CCDC148: variants seen among roughly 807,000 people sequenced by gnomAD.
The protein encoded by CCDC148 is coiled-coil domain-containing protein 148.
Under a neutral mutation model 85.7 loss-of-function variants are expected in CCDC148, and 89 were observed. The observed-to-expected ratio is 1.04, with a 90% CI of 0.87 to 1.24. The LOEUF (loss-of-function observed/expected upper bound fraction) is 1.24, where lower values mean the gene tolerates loss of function less well. CCDC148 is among the 50% of genes most tolerant of loss of function. The pLI is 0.00. For missense variants in CCDC148, 692 were observed against 671.7 expected (o/e 1.03, Z -0.33); for synonymous variants, 230 against 213.9 (o/e 1.08, Z -0.66).
intron 9 of CCDC148, among the ~76,000 whole-genome samples, chr2:158,303,079 T>G (rs1691522233): frequency 6.6e-6 from 1 of 152,158 alleles, no homozygotes; most frequent in Non-Finnish European, 1.5e-5. Flanking sequence ...CACGAGAGCA[T>G]TATTTCAAAA....
At chr2:158,436,390 C>T (rs946286657) in intron 1 of CCDC148, among the ~76,000 whole-genome samples, 6 of 152,076 alleles carry the variant, frequency 3.9e-5, no homozygotes, top group Admixed American at 6.6e-5. Flanking sequence ...GGGTACCTAA[C>T]GAAATAAGGC....
chr2:158,350,255 T>A (rs1683194067), intron 2 of CCDC148, among the ~76,000 whole-genome samples: 1 of 152,214 alleles, frequency 6.6e-6, no homozygotes, highest in Non-Finnish European at 1.5e-5. Context: ...GATGCTTTCA[T>A]AATGAGTCTA....
chr2:158,264,784 C>A (rs1689384357), intron 9 of CCDC148, among the ~76,000 whole-genome samples: 1 of 152,032 alleles, frequency 6.6e-6, no homozygotes, highest in Non-Finnish European at 1.5e-5. Context: ...AAGCAGGATG[C>A]TATACTGATA....
chr2:158,456,628 A>G lies in CCDC148; in HGVS notation c.-189T>C, dbSNP rs1688764928. 2.1e-5 allele frequency: 15 copies of G among 703,892 alleles called. No individual in the cohort carries two copies. The highest frequency in any genetic ancestry group is 3.6e-5 in the African/African-American group (2 of 55,574). The allele number at this position is 703,892 out of a possible 1,614,324, so 43.6% of individuals were successfully genotyped here. On this transcript the variant is annotated 5_prime_UTR_variant, in exon 1 of 14. Transcript: ENST00000283233. ...GCAAGGAAAGCCTGCCCCAGATTTCAGAGCCAGCGCTGGGGAATCTCCCTG... is the reference window on the plus strand; with the variant it reads ...GCAAGGAAAGCCTGCCCCAGATTTCGGAGCCAGCGCTGGGGAATCTCCCTG...
chr2:158,265,848 T>C (rs1174291490), intron 9 of CCDC148, among the ~76,000 whole-genome samples: 2 of 152,174 alleles, frequency 1.3e-5, no homozygotes, highest in African/African-American at 2.4e-5. Flanking sequence ...TCTAGATTAA[T>C]GGCATCACAG....
chr2:158,308,262 A>G (rs1480777282), intron 9 of CCDC148, among the ~76,000 whole-genome samples: 5 of 152,340 alleles, frequency 3.3e-5, no homozygotes, highest in Non-Finnish European at 7.3e-5. Flanking sequence ...GCATAGCTCA[A>G]CAGTTAATGA....
At chr2:158,321,376 C>T (rs533487062) in intron 7 of CCDC148, among the ~76,000 whole-genome samples, 3 of 152,254 alleles carry the variant, frequency 2.0e-5, no homozygotes, top group South Asian at 2.1e-4. Context: ...ATCTAACCAA[C>T]GAGACTACGT....
At chr2:158,454,621 A>T (rs886379338) in intron 1 of CCDC148, among the ~76,000 whole-genome samples, 1 of 152,240 alleles carries the variant, frequency 6.6e-6, no homozygotes, top group African/African-American at 2.4e-5. Flanking sequence ...GAGAGCAGAC[A>T]TTGGACAGGT....
At chr2:158,370,850 T>C (rs1190487134) in intron 1 of CCDC148, among the ~76,000 whole-genome samples, 2 of 147,434 alleles carry the variant, frequency 1.4e-5, no homozygotes, top group Admixed American at 6.8e-5. Context: ...TTGTAGGACA[T>C]AGACTGTAAA....
intron 3 of CCDC148, among the ~76,000 whole-genome samples, chr2:158,341,229 CAT>C (rs1208188281): frequency 6.6e-6 from 1 of 150,816 alleles, no homozygotes; most frequent in Non-Finnish European, 1.5e-5. Context: ...CATATGTATA[CAT>C]ATATATGTGT....
At chr2:158,430,960 T>C (rs1185591877) in intron 1 of CCDC148, among the ~76,000 whole-genome samples, 3 of 151,796 alleles carry the variant, frequency 2.0e-5, no homozygotes, top group Admixed American at 6.6e-5. Context: ...TTGGATGGAA[T>C]TAATAGCAGA....
intron 13 of CCDC148, among the ~76,000 whole-genome samples, chr2:158,174,551 C>T (rs982167351): frequency 1.3e-5 from 2 of 151,078 alleles, no homozygotes; most frequent in African/African-American, 4.9e-5. Flanking sequence ...TTCTGAGAAA[C>T]GTGTCCTTAG....
chr2:158,266,922 A>T (rs866683308), intron 9 of CCDC148, among the ~76,000 whole-genome samples: 2 of 150,528 alleles, frequency 1.3e-5, no homozygotes, highest in Non-Finnish European at 3.0e-5. Flanking sequence ...ACATATATAC[A>T]TATATATGCA....
At chr2:158,331,922 C>G (rs1693150924) in intron 7 of CCDC148, among the ~76,000 whole-genome samples, 5 of 152,116 alleles carry the variant, frequency 3.3e-5, no homozygotes, top group Non-Finnish European at 5.9e-5. Context: ...GATGGGTTTC[C>G]TGAATACAGC....
intron 10 of CCDC148, among the ~76,000 whole-genome samples, chr2:158,232,610 T>C (rs1687907248): frequency 6.6e-6 from 1 of 152,198 alleles, no homozygotes; most frequent in Non-Finnish European, 1.5e-5. Flanking sequence ...TTGTGTGATG[T>C]TGAATCTTTG....
At chr2:158,272,229 C>T (rs1689730316) in intron 9 of CCDC148, among the ~76,000 whole-genome samples, 1 of 152,090 alleles carries the variant, frequency 6.6e-6, no homozygotes, top group South Asian at 2.1e-4. Context: ...AGCTCAATTT[C>T]AGACTTAAGA....
chr2:158,411,843 C>T (rs1228850940), intron 1 of CCDC148, among the ~76,000 whole-genome samples: 1 of 152,082 alleles, frequency 6.6e-6, no homozygotes, highest in Admixed American at 6.6e-5. Flanking sequence ...GGGGAGAGAC[C>T]TTCACCTGCA....
chr2:158,222,935 G>A (rs1002644066), intron 10 of CCDC148, among the ~76,000 whole-genome samples: 2 of 152,138 alleles, frequency 1.3e-5, no homozygotes, highest in Admixed American at 6.5e-5. Context: ...CTGAGGTACC[G>A]GGTTCATCTC....
At chr2:158,417,458 A>C (rs1165363717) in intron 1 of CCDC148, among the ~76,000 whole-genome samples, 1 of 152,192 alleles carries the variant, frequency 6.6e-6, no homozygotes, top group African/African-American at 2.4e-5. Context: ...ACAAATAAGC[A>C]TGGAAGAGGT....
Sources: gnomAD v4.1 joint callset for allele counts (sites outside exome capture counted in the v4.1 genomes callset) on GRCh38, gnomAD v4.1.1 for gene constraint, MANE v1.5 for transcripts, NCBI Gene and HGNC (gene_info 2026-07-23, HGNC 2026-07-21) for gene names.